MARCHF1: variants seen among roughly 807,000 people sequenced by gnomAD.
MARCHF1 encodes E3 ubiquitin-protein ligase MARCHF1.
A neutral mutation model predicts 54.2 loss-of-function variants in MARCHF1; 40 were observed. The observed-to-expected ratio is 0.74, with a 90% confidence interval of 0.57 to 0.96. The LOEUF is 0.96. Among genes scored for constraint, MARCHF1 ranks in the 40% least tolerant of loss-of-function variants. MARCHF1 has a pLI of 0.00. For synonymous variants in MARCHF1, 236 were observed against 236.3 expected (o/e 1.00, Z 0.01); for missense variants, 586 against 656.5 (o/e 0.89, Z 1.17).
At chr4:163,675,222 T>C (rs115205313) in intron 5 of MARCHF1, among the ~76,000 whole-genome samples, 97 of 152,316 alleles carry the variant, frequency 6.4e-4, no homozygotes, top group African/African-American at 2.3e-3. Context: ...GATGTAAGAA[T>C]AATGAAGTAA....
chr4:164,083,145 T>G (rs1755132505), intron 2 of MARCHF1, among the ~76,000 whole-genome samples: 1 of 152,088 alleles, frequency 6.6e-6, no homozygotes, highest in African/African-American at 2.4e-5. Context: ...CAAAAGTAGT[T>G]GCTAAGGTGA....
chr4:163,794,282 T>C (rs1747852121), intron 4 of MARCHF1, among the ~76,000 whole-genome samples: 1 of 152,182 alleles, frequency 6.6e-6, no homozygotes, highest in Admixed American at 6.6e-5. Flanking sequence ...CTCCTATCAA[T>C]ATAATCCCTC....
At chr4:163,972,538 G>A (rs978943317) in intron 3 of MARCHF1, among the ~76,000 whole-genome samples, 17 of 151,880 alleles carry the variant, frequency 1.1e-4, no homozygotes, top group African/African-American at 3.9e-4. Flanking sequence ...TAATGTATAT[G>A]TTTTTGTTTT....
Position 163,700,782 on chromosome 4 carries a change from C to A in MARCHF1, c.162+31G>T. 3 of 1,512,714 alleles carry A rather than the reference C, an allele frequency of 2.0e-6. No homozygotes were observed. The South Asian group carries it at 3.6e-5, about 18-fold the overall frequency. The allele number at this position is 1,512,714 out of a possible 1,614,324, so 93.7% of individuals were successfully genotyped here. A position where few individuals can be genotyped will look rare whatever the true frequency, so the allele number is the denominator to read the frequency against. On this transcript the variant is annotated intron_variant, in intron 5 of 9. Coordinates refer to ENST00000514618, the MANE Select transcript of MARCHF1 (RefSeq NM_001394959.1). ...ATGTGAACTCATGAAGTGCAGAAGT[C>A]AACAAACAAGAAAATGAGTACTTCA...
rs145812513 is a variant in MARCHF1 at position 163,897,502 on chromosome 4, G to A, written c.-38-43333C>T. Among the ~76,000 whole-genome samples the A allele has an allele frequency of 5.9e-5, 9 of 151,964 alleles. No homozygotes were observed. In the East Asian group the frequency reaches 1.5e-3, roughly 26 times the overall value. ...AGGCTATAATAACTAAAACAGCATGGTACAGGTACAAAAATAGACACATAG... is the reference window on the plus strand; with the variant it reads ...AGGCTATAATAACTAAAACAGCATGATACAGGTACAAAAATAGACACATAG... On this transcript the variant is annotated intron_variant, in intron 3 of 9. Coordinates refer to ENST00000514618, the MANE Select transcript of MARCHF1 (RefSeq NM_001394959.1).
chr4:164,027,073 A>C (rs888880578), intron 2 of MARCHF1, among the ~76,000 whole-genome samples: 3 of 152,104 alleles, frequency 2.0e-5, no homozygotes, highest in African/African-American at 7.2e-5. Context: ...CTGCTGAAAG[A>C]AACCAGAAAT....
intron 1 of MARCHF1, among the ~76,000 whole-genome samples, chr4:164,264,575 G>T (rs1733555667): frequency 6.6e-6 from 1 of 151,888 alleles, no homozygotes; most frequent in Non-Finnish European, 1.5e-5. Context: ...CCTTTCAACT[G>T]ATGAGGAAAC....
chr4:163,786,586 G>C (rs183642641), intron 4 of MARCHF1, among the ~76,000 whole-genome samples: 1 of 151,964 alleles, frequency 6.6e-6, no homozygotes, highest in East Asian at 1.9e-4. Flanking sequence ...ATAAAATCAT[G>C]AGCTGCACCA....
At chr4:163,569,828 CTG>C (rs1739782492) in intron 8 of MARCHF1, among the ~76,000 whole-genome samples, 1 of 152,212 alleles carries the variant, frequency 6.6e-6, no homozygotes, top group South Asian at 2.1e-4. Flanking sequence ...AGTTACTTAT[CTG>C]TAATTAATTG....
At chr4:163,553,821 C>T (rs554335912) in intron 8 of MARCHF1, among the ~76,000 whole-genome samples, 80 of 152,220 alleles carry the variant, frequency 5.3e-4, no homozygotes, top group African/African-American at 1.7e-3. Flanking sequence ...CTGTGGGCAT[C>T]GCAGGACATG....
At chr4:163,668,088 G>C (rs530670114) in intron 5 of MARCHF1, among the ~76,000 whole-genome samples, 2 of 152,290 alleles carry the variant, frequency 1.3e-5, no homozygotes, top group South Asian at 4.1e-4. Flanking sequence ...ATTGAAATAT[G>C]CTGTTTATTT....
chr4:164,144,068 C>T (rs1729591325), intron 1 of MARCHF1, among the ~76,000 whole-genome samples: 1 of 152,124 alleles, frequency 6.6e-6, no homozygotes, highest in East Asian at 1.9e-4. Context: ...TCAAAAGAGA[C>T]AAAGGAGGCC....
chr4:163,940,009 C>T (rs560607623), intron 3 of MARCHF1, among the ~76,000 whole-genome samples: 22 of 152,240 alleles, frequency 1.4e-4, no homozygotes, highest in South Asian at 4.2e-4. Flanking sequence ...AATAAGGTCA[C>T]AAGGGTGACA....
chr4:163,570,183 CTGAGAAATAG>C (rs1177696924), intron 8 of MARCHF1, among the ~76,000 whole-genome samples: 1 of 152,118 alleles, frequency 6.6e-6, no homozygotes, highest in East Asian at 1.9e-4. Context: ...CATCTAGTGC[CTGAGAAATAG>C]TGAGAAATAG....
rs1258087672 is a variant in MARCHF1, at chr4:163,838,227, T to C, written c.111+15794A>G. 4.3e-4 allele frequency among the ~76,000 whole-genome samples: 66 copies of C among 152,118 alleles called. 1 individual carries two copies. The highest frequency in any genetic ancestry group is 4.3e-3 in the Admixed American group (65 of 15,278). On this transcript the variant is annotated intron_variant, in intron 4 of 9. Coordinates refer to ENST00000514618, the MANE Select transcript of MARCHF1 (RefSeq NM_001394959.1). Reference sequence around the variant, plus strand: ...CATGGATGGATGGTCAGGTTCCTGATGTAAAATGGTTTAGTATTTGCATAT... The same window carrying C: ...CATGGATGGATGGTCAGGTTCCTGACGTAAAATGGTTTAGTATTTGCATAT...
At chr4:163,680,167 T>G (rs1744057390) in intron 5 of MARCHF1, among the ~76,000 whole-genome samples, 1 of 152,188 alleles carries the variant, frequency 6.6e-6, no homozygotes, top group Admixed American at 6.5e-5. Context: ...TTTCCCTCTC[T>G]GTCACTTTTC....
At chr4:164,319,456 CCTGA>C (rs1721472728) in intron 1 of MARCHF1, among the ~76,000 whole-genome samples, 1 of 152,076 alleles carries the variant, frequency 6.6e-6, no homozygotes, top group Non-Finnish European at 1.5e-5. Flanking sequence ...GTTGCCTTTA[CCTGA>C]CTAATTCACC....
intron 4 of MARCHF1, among the ~76,000 whole-genome samples, chr4:163,701,091 T>G (rs1002754934): frequency 6.6e-6 from 1 of 152,218 alleles, no homozygotes; most frequent in Non-Finnish European, 1.5e-5. Flanking sequence ...AATATCTGAG[T>G]ATTAATCAGG....
intron 3 of MARCHF1, among the ~76,000 whole-genome samples, chr4:163,881,687 G>T (rs1176950457): frequency 6.8e-6 from 1 of 147,394 alleles, no homozygotes; most frequent in Admixed American, 6.8e-5. Context: ...GAAAAGAAAA[G>T]AAATATATGG....
Sources: gnomAD v4.1 joint callset for allele counts (sites outside exome capture counted in the v4.1 genomes callset) on GRCh38, gnomAD v4.1.1 for gene constraint, MANE v1.5 for transcripts, NCBI Gene and HGNC (gene_info 2026-07-23, HGNC 2026-07-21) for gene names.